Variants in DLG2 observed in about 807,000 individuals in gnomAD.
DLG2 encodes the protein discs large MAGUK scaffold protein 2.
A neutral mutation model predicts 132.5 loss-of-function variants in DLG2; 45 were observed. The observed-to-expected ratio is 0.34, with a 90% CI of 0.27 to 0.44. The LOEUF (loss-of-function observed/expected upper bound fraction) is 0.44. Among genes scored for constraint, DLG2 ranks in the 20% least tolerant of loss-of-function variants. The pLI, the probability that DLG2 is intolerant of heterozygous loss-of-function variation, is 1.00. For synonymous variants in DLG2, 424 were observed against 419.6 expected (o/e 1.01, Z -0.13); for missense variants, 1,045 against 1,196.9 (o/e 0.87, Z 1.87).
chr11:84,870,319 G>A (rs2085285399), intron 6 of DLG2, among the ~76,000 whole-genome samples: 1 of 152,140 alleles, frequency 6.6e-6, no homozygotes, highest in African/African-American at 2.4e-5. Flanking sequence ...AATTAGAGAT[G>A]TCAGAGGTTA....
intron 18 of DLG2, among the ~76,000 whole-genome samples, chr11:83,778,210 C>T (rs997265372): frequency 5.3e-5 from 8 of 152,056 alleles, no homozygotes; most frequent in Non-Finnish European, 1.2e-4. Context: ...CCCTGAAATT[C>T]CTTATCAAAT....
At chr11:85,498,418 A>G (rs2093718782) in intron 3 of DLG2, among the ~76,000 whole-genome samples, 1 of 152,244 alleles carries the variant, frequency 6.6e-6, no homozygotes, top group Non-Finnish European at 1.5e-5. Flanking sequence ...AGGAGCACCC[A>G]GATTCATAAA....
At chr11:84,811,102 T>G (rs2076509861) in intron 6 of DLG2, among the ~76,000 whole-genome samples, 1 of 152,168 alleles carries the variant, frequency 6.6e-6, no homozygotes. Context: ...CTCTGTATTA[T>G]TTCTGACAAC....
chr11:84,946,124 G>T (rs2050162709), intron 6 of DLG2, among the ~76,000 whole-genome samples: 1 of 152,138 alleles, frequency 6.6e-6, no homozygotes, highest in South Asian at 2.1e-4. Flanking sequence ...CCTCCCTTTG[G>T]CCCAGGATGG....
chr11:83,867,752 T>A (rs1012271538), intron 16 of DLG2, among the ~76,000 whole-genome samples: 1 of 152,208 alleles, frequency 6.6e-6, no homozygotes, highest in African/African-American at 2.4e-5. Flanking sequence ...GCAACAGAAA[T>A]CCAGTCCCTG....
intron 6 of DLG2, chr11:84,640,280 C>G: frequency 3.0e-6 from 1 of 333,704 alleles, no homozygotes; most frequent in Admixed American, 3.8e-5. Flanking sequence ...CACATGCTCA[C>G]TTCCCTATCA....
intron 6 of DLG2, among the ~76,000 whole-genome samples, chr11:84,772,365 C>T (rs569302130): frequency 5.2e-4 from 73 of 141,596 alleles, no homozygotes; most frequent in Middle Eastern, 3.7e-3. Context: ...CAACACACCA[C>T]TGACAGCATT....
At chr11:85,068,145 T>C (rs61907776) in intron 6 of DLG2, among the ~76,000 whole-genome samples, 4,226 of 152,076 alleles carry the variant, frequency 0.028, 127 homozygotes, top group South Asian at 0.13. Context: ...ATTGATGAGA[T>C]GTATCTCAAA....
intron 14 of DLG2, among the ~76,000 whole-genome samples, chr11:83,946,890 A>G (rs1169527439): frequency 6.6e-6 from 1 of 152,228 alleles, no homozygotes. Flanking sequence ...TGCCACACTC[A>G]GTTGCAACTC....
intron 7 of DLG2, among the ~76,000 whole-genome samples, chr11:84,427,575 A>C (rs1367891298): frequency 6.6e-6 from 1 of 152,160 alleles, no homozygotes; most frequent in Non-Finnish European, 1.5e-5. Context: ...AATATATAGG[A>C]AAGTCAGTCC....
chr11:84,590,071 A>G (rs947059463), intron 6 of DLG2, among the ~76,000 whole-genome samples: 1 of 152,222 alleles, frequency 6.6e-6, no homozygotes, highest in Non-Finnish European at 1.5e-5. Flanking sequence ...GGGAAATAAC[A>G]TGACATGTCA....
intron 7 of DLG2, among the ~76,000 whole-genome samples, chr11:84,450,362 G>A (rs1379099725): frequency 2.0e-5 from 3 of 149,094 alleles, no homozygotes; most frequent in Non-Finnish European, 4.5e-5. Context: ...CTGTGAGAAA[G>A]AAAATTTGAT....
chr11:83,557,447 A>T (rs1157631314), intron 19 of DLG2, among the ~76,000 whole-genome samples: 2 of 152,154 alleles, frequency 1.3e-5, no homozygotes, highest in African/African-American at 4.8e-5. Context: ...TAAAGTTGAG[A>T]TCTCATCTGT....
chr11:85,545,288 G>T lies in DLG2; in HGVS notation c.40+53369C>A, dbSNP rs183991562. Among the ~76,000 whole-genome samples the T allele has an allele frequency of 1.1e-4, 17 of 152,228 alleles. No individual in the cohort carries two copies. The East Asian group carries it at 3.1e-3, about 28-fold the overall frequency. On this transcript the variant is annotated intron_variant, in intron 3 of 27. Coordinates refer to ENST00000376104, the MANE Select transcript of DLG2 (RefSeq NM_001142699.3). The stretch of plus-strand genomic sequence containing the variant: ...TGGTTCTGTTTATGTGATGGATTAC[G>T]TGTATTGATTTGCATATGTTGAACA...
chr11:85,048,154 A>G (rs377337683), intron 6 of DLG2, among the ~76,000 whole-genome samples: 31 of 152,050 alleles, frequency 2.0e-4, no homozygotes, highest in African/African-American at 6.7e-4. Flanking sequence ...ATGATTTTTA[A>G]ATATAAAAGC....
chr11:84,218,703 C>T (rs902538565), intron 8 of DLG2, among the ~76,000 whole-genome samples: 1 of 152,104 alleles, frequency 6.6e-6, no homozygotes, highest in African/African-American at 2.4e-5. Context: ...ATTAGACCAG[C>T]GATTTTCTAC....
chr11:84,895,514 G>A (rs1007138589), intron 6 of DLG2, among the ~76,000 whole-genome samples: 1 of 152,152 alleles, frequency 6.6e-6, no homozygotes, highest in African/African-American at 2.4e-5. Flanking sequence ...ACAGAGCAAT[G>A]ATATCATAGC....
intron 6 of DLG2, among the ~76,000 whole-genome samples, chr11:84,661,371 A>G (rs1471616995): frequency 6.6e-6 from 1 of 152,186 alleles, no homozygotes; most frequent in South Asian, 2.1e-4. Flanking sequence ...CAGGTTATCT[A>G]TCTGGGTTCT....
chr11:85,591,074 C>T (rs1369881529), intron 3 of DLG2, among the ~76,000 whole-genome samples: 1 of 152,262 alleles, frequency 6.6e-6, no homozygotes, highest in Non-Finnish European at 1.5e-5. Flanking sequence ...ATATAAAAGT[C>T]CTGAGTCAGA....
Sources: allele counts gnomAD v4.1 joint callset (sites outside exome capture counted in the v4.1 genomes callset), GRCh38; gene constraint gnomAD v4.1.1; transcripts MANE v1.5; gene names NCBI Gene and HGNC (gene_info 2026-07-23, HGNC 2026-07-21).